The following UTRN variants were observed in gnomAD, a reference collection of about 807,000 sequenced individuals.
UTRN encodes the protein utrophin, also known as dystrophin-related protein 1.
UTRN carries 283 observed loss-of-function variants against 463.9 expected under a neutral mutation model. That is an observed-to-expected ratio of 0.61 (90% CI 0.55 to 0.67). The LOEUF is 0.67. Ranked by LOEUF, UTRN falls within the 30% of genes least tolerant of loss-of-function variation. The pLI, the probability that UTRN is intolerant of heterozygous loss-of-function variation, is 0.00. For synonymous variants in UTRN, 1,442 were observed against 1,431.5 expected, an observed-to-expected ratio of 1.01 and a Z score of -0.17; for missense variants, 3,922 against 4,084.3, an observed-to-expected ratio of 0.96 and a Z score of 1.08.
At chr6:144,450,998 A>C (rs1788229645) in intron 17 of UTRN, among the ~76,000 whole-genome samples, 1 of 152,036 alleles carries the variant, frequency 6.6e-6, no homozygotes, top group African/African-American at 2.4e-5. Flanking sequence ...CTATAATCCT[A>C]GCTACTCGGG....
chr6:144,486,659 T>G (rs1792481079), intron 28 of UTRN, among the ~76,000 whole-genome samples: 1 of 152,216 alleles, frequency 6.6e-6, no homozygotes, highest in Non-Finnish European at 1.5e-5. Context: ...GTAGCTGGGA[T>G]CACAGGCGTG....
chr6:144,414,962 C>A (rs934507888), intron 3 of UTRN, among the ~76,000 whole-genome samples: 29 of 152,220 alleles, frequency 1.9e-4, no homozygotes, highest in African/African-American at 5.5e-4. Context: ...GATCCACCCG[C>A]CTTGGCCTCC....
intron 51 of UTRN, among the ~76,000 whole-genome samples, chr6:144,615,357 C>A (rs1562653125): frequency 2.0e-5 from 3 of 152,058 alleles, no homozygotes; most frequent in Non-Finnish European, 4.4e-5. Context: ...ATATGATTTC[C>A]TCTGTCTGTT....
chr6:144,759,552 G>A (rs1792409304), intron 58 of UTRN, among the ~76,000 whole-genome samples: 1 of 152,084 alleles, frequency 6.6e-6, no homozygotes, highest in Admixed American at 6.6e-5. Context: ...TACAAAGCAA[G>A]GGAGAATTAA....
intron 51 of UTRN, among the ~76,000 whole-genome samples, chr6:144,601,862 A>G (rs1306181270): frequency 6.6e-6 from 1 of 152,218 alleles, no homozygotes; most frequent in East Asian, 1.9e-4. Context: ...AGAAAATGTC[A>G]GTCAACCCTT....
chr6:144,537,683 C>T lies in UTRN; in HGVS notation c.6335C>T (p.Thr2112Ile), dbSNP rs753143490. 3 of 1,610,912 alleles carry T rather than the reference C, an allele frequency of 1.9e-6. No individual in the cohort carries two copies. The highest frequency in any genetic ancestry group is 1.7e-6 in the Non-Finnish European group (2 of 1,178,746). The change falls in exon 44 of 75, where the codon ACC becomes ATC. Residue 2112 changes from threonine to isoleucine, a missense_variant. This residue lies in a region of UTRN where 2,349 missense variants were observed against 2,303.8 expected (regional missense o/e 1.02). Coordinates refer to ENST00000367545, the MANE Select transcript of UTRN (RefSeq NM_007124.3). The part of the protein sequence containing the change: ...KAEHAMQKRS[T>I]TELGENLQEL... ...GAGCATGCTATGCAAAAGAGATCAA[C>T]CACCGAATTGGGAGAAAACCTGCAA...
At chr6:144,424,594 G>A (rs1307090044) in intron 6 of UTRN, among the ~76,000 whole-genome samples, 2 of 152,160 alleles carry the variant, frequency 1.3e-5, no homozygotes, top group African/African-American at 4.8e-5. Context: ...TTCAATGGAA[G>A]AGGCTGACAA....
At chr6:144,808,587 A>G (rs1416972196) in intron 65 of UTRN, among the ~76,000 whole-genome samples, 1 of 152,080 alleles carries the variant, frequency 6.6e-6, no homozygotes, top group Admixed American at 6.6e-5. Flanking sequence ...TATTATCTGT[A>G]GCCACAAGCT....
chr6:144,492,711 T>A (rs1303094030), intron 32 of UTRN, among the ~76,000 whole-genome samples: 1 of 152,248 alleles, frequency 6.6e-6, no homozygotes, highest in African/African-American at 2.4e-5. Context: ...TAATGGTCAT[T>A]CAGACTGGTG....
At chr6:144,737,769 T>G (rs118152670) in intron 54 of UTRN, among the ~76,000 whole-genome samples, 1 of 152,328 alleles carries the variant, frequency 6.6e-6, no homozygotes, top group Non-Finnish European at 1.5e-5. Context: ...TGGAAATACT[T>G]AATTTCATTT....
chr6:144,600,543 C>T (rs1290715567), intron 51 of UTRN, among the ~76,000 whole-genome samples: 1 of 152,236 alleles, frequency 6.6e-6, no homozygotes, highest in African/African-American at 2.4e-5. Flanking sequence ...AATGCCCTAA[C>T]TCTCTTCAAT....
intron 74 of UTRN, 26 bp downstream of exon 74, chr6:144,846,853 C>T (rs781091335): frequency 6.2e-7 from 1 of 1,613,918 alleles, no homozygotes; most frequent in African/African-American, 1.3e-5. Flanking sequence ...TTGGTTGGCT[C>T]TATGTTACTG....
intron 64 of UTRN, among the ~76,000 whole-genome samples, chr6:144,801,678 TC>T (rs1777710801): frequency 6.6e-6 from 1 of 152,170 alleles, no homozygotes; most frequent in Non-Finnish European, 1.5e-5. Flanking sequence ...CATACACAAT[TC>T]CTTAATAGTA....
intron 50 of UTRN, among the ~76,000 whole-genome samples, chr6:144,562,203 A>ATT (rs1799993144): frequency 6.6e-6 from 1 of 152,018 alleles, no homozygotes; most frequent in African/African-American, 2.4e-5. Context: ...TTAAAAAAAT[A>ATT]TTTTATTTTA....
At chr6:144,662,375 A>C (rs897886421) in intron 51 of UTRN, among the ~76,000 whole-genome samples, 2 of 152,184 alleles carry the variant, frequency 1.3e-5, no homozygotes, top group East Asian at 3.8e-4. Flanking sequence ...ATTTCTAGGG[A>C]AAGACCAAGG....
chr6:144,325,848 T>C (rs953198428), intron 2 of UTRN, among the ~76,000 whole-genome samples: 1 of 151,966 alleles, frequency 6.6e-6, no homozygotes. Context: ...AGGAAAATAA[T>C]TGTGTCTTTG....
At chr6:144,812,497 AAAGT>A (rs1247983910) in intron 65 of UTRN, among the ~76,000 whole-genome samples, 4 of 152,194 alleles carry the variant, frequency 2.6e-5, no homozygotes, top group Non-Finnish European at 5.9e-5. Context: ...ATTTCAGCAT[AAAGT>A]AAGATTATAC....
In UTRN at chr6:144,744,320, ATGTGTGTGTG is replaced by A. The variant is rs757430794; in HGVS notation, c.7940-3902_7940-3893del. Among the ~76,000 whole-genome samples, 74 of 95,438 alleles carry A rather than the reference ATGTGTGTGTG, an allele frequency of 7.8e-4. 1 individual carries two copies. The highest frequency in any genetic ancestry group is 2.9e-3 in the African/African-American group (65 of 22,662). 62.6% of individuals were successfully genotyped at this position (95,438 alleles called of 152,430 possible). A position where few individuals can be genotyped will look rare whatever the true frequency, so the allele number is the denominator to read the frequency against. ...ATGGTGTATACATATATATATATAT[ATGTGTGTGTG>A]TGTGTGTGTGTGTGTGTGTGTGTAT... On this transcript the variant is annotated intron_variant, in intron 54 of 74. Coordinates refer to ENST00000367545, the MANE Select transcript of UTRN (RefSeq NM_007124.3).
intron 68 of UTRN, among the ~76,000 whole-genome samples, chr6:144,828,226 A>G: frequency 6.6e-6 from 1 of 152,182 alleles, no homozygotes; most frequent in East Asian, 1.9e-4. Context: ...GGTCTAGGCC[A>G]ACTAGAATTT....
Sources: gnomAD v4.1 joint callset for allele counts (sites outside exome capture counted in the v4.1 genomes callset) on GRCh38, gnomAD v4.1.1 for gene constraint, gnomAD v4.1.1 regional missense constraint, MANE v1.5 for transcripts, NCBI Gene and HGNC (gene_info 2026-07-23, HGNC 2026-07-21) for gene names.